The following PLSCR2 variants were observed in gnomAD, a reference collection of about 807,000 sequenced individuals.
The protein encoded by PLSCR2 is phospholipid scramblase 2.
A neutral mutation model predicts 25.3 loss-of-function variants in PLSCR2; 18 were observed. That is an observed-to-expected ratio of 0.71 (90% CI 0.49 to 1.06). PLSCR2 has a LOEUF of 1.06. Among genes scored for constraint, PLSCR2 ranks in the 50% least tolerant of loss-of-function variants. PLSCR2 has a pLI of 0.00. For missense variants in PLSCR2, 243 were observed against 269.5 expected (o/e 0.90, Z 0.69); for synonymous variants, 88 against 87.3 (o/e 1.01, Z -0.04).
At chr3:146,457,973 G>A (rs1018778960) in intron 3 of PLSCR2, among the ~76,000 whole-genome samples, 8 of 152,092 alleles carry the variant, frequency 5.3e-5, no homozygotes, top group South Asian at 4.1e-4. Context: ...ATAAAATGGC[G>A]TGGTGTTTGT....
chr3:146,469,304 G>A, intron 1 of PLSCR2, 191 bp downstream of exon 1: 4 of 985,580 alleles, frequency 4.1e-6, no homozygotes, highest in Non-Finnish European at 4.8e-6. Context: ...TCTGGTGTGA[G>A]CCAGGGTACA....
intron 5 of PLSCR2, among the ~76,000 whole-genome samples, chr3:146,451,371 T>C (rs2108328275): frequency 6.6e-6 from 1 of 152,218 alleles, no homozygotes; most frequent in East Asian, 1.9e-4. Context: ...CGCCTCGGCC[T>C]CCCAAAGTGC....
intron 2 of PLSCR2, chr3:146,415,234 TA>T (rs1161878710): frequency 2.0e-5 from 3 of 152,608 alleles, no homozygotes; most frequent in Non-Finnish European, 4.4e-5. Flanking sequence ...ACATAACACA[TA>T]ACTTAATATT....
chr3:146,487,740 A>G (rs143791918), intron 1 of PLSCR2, among the ~76,000 whole-genome samples: 29 of 152,182 alleles, frequency 1.9e-4, no homozygotes, highest in African/African-American at 6.7e-4. Flanking sequence ...AAAATGGCCA[A>G]ACTGCCCAAA....
At chr3:146,459,136 T>A (rs11914425) in intron 2 of PLSCR2, among the ~76,000 whole-genome samples, 1 of 152,062 alleles carries the variant, frequency 6.6e-6, no homozygotes, top group African/African-American at 2.4e-5. Flanking sequence ...TAAACTATCA[T>A]GTAGTACAGC....
intron 2 of PLSCR2, among the ~76,000 whole-genome samples, chr3:146,398,057 G>A (rs1281172912): frequency 1.3e-5 from 2 of 151,924 alleles, no homozygotes; most frequent in African/African-American, 2.4e-5. Flanking sequence ...TGTTTTAGAT[G>A]AAAGTTAGGG....
At chr3:146,488,250 C>A (rs2043417754) in intron 1 of PLSCR2, among the ~76,000 whole-genome samples, 1 of 151,908 alleles carries the variant, frequency 6.6e-6, no homozygotes, top group African/African-American at 2.4e-5. Context: ...TAGGCAATGC[C>A]ATTTAGGACA....
intron 2 of PLSCR2, among the ~76,000 whole-genome samples, chr3:146,406,588 T>C (rs908123837): frequency 6.6e-6 from 1 of 152,050 alleles, no homozygotes; most frequent in African/African-American, 2.4e-5. Flanking sequence ...ACAAGTGAGG[T>C]AGATAAAAAG....
At chr3:146,407,502 G>A (rs888126015) in intron 2 of PLSCR2, among the ~76,000 whole-genome samples, 1 of 152,208 alleles carries the variant, frequency 6.6e-6, no homozygotes, top group Non-Finnish European at 1.5e-5. Flanking sequence ...CCTGGGCTGG[G>A]TTTAGGACCT....
intron 3 of PLSCR2, among the ~76,000 whole-genome samples, chr3:146,393,234 TAGTC>T (rs1291934716): frequency 6.6e-6 from 1 of 151,424 alleles, no homozygotes; most frequent in African/African-American, 2.4e-5. Context: ...TTCACCGTGT[TAGTC>T]AGGATGGTCT....
At chr3:146,412,585 C>T (rs184153443) in intron 2 of PLSCR2, among the ~76,000 whole-genome samples, 26 of 152,242 alleles carry the variant, frequency 1.7e-4, no homozygotes, top group Non-Finnish European at 2.9e-4. Flanking sequence ...AACAAATTTT[C>T]GGTGCCACAA....
intron 2 of PLSCR2, among the ~76,000 whole-genome samples, chr3:146,408,538 G>A (rs1453115961): frequency 6.6e-6 from 1 of 151,680 alleles, no homozygotes; most frequent in Non-Finnish European, 1.5e-5. Flanking sequence ...GAAAACTTTC[G>A]ATTGTCAGAA....
At chr3:146,475,206 G>T (rs746680305) in intron 1 of PLSCR2, among the ~76,000 whole-genome samples, 1 of 151,884 alleles carries the variant, frequency 6.6e-6, no homozygotes, top group Non-Finnish European at 1.5e-5. Flanking sequence ...CAATCATTTG[G>T]GGGGAGAAGA....
chr3:146,421,969 G>A (rs1003522422), intron 2 of PLSCR2, among the ~76,000 whole-genome samples: 7 of 152,010 alleles, frequency 4.6e-5, no homozygotes, highest in Non-Finnish European at 8.8e-5. Context: ...TATTTGCCTG[G>A]CCCCAGCAGG....
intron 2 of PLSCR2, among the ~76,000 whole-genome samples, chr3:146,425,342 G>A (rs954079795): frequency 6.6e-6 from 1 of 152,080 alleles, no homozygotes; most frequent in African/African-American, 2.4e-5. Context: ...GGAAGAAGAT[G>A]CCCAAAAGAA....
At chr3:146,439,151 G>A (rs4333063), downstream of PLSCR2, among the ~76,000 whole-genome samples, 73,001 of 151,822 alleles carry the variant, frequency 0.48, 18,519 homozygotes, top group South Asian at 0.7. Context: ...TCTGCTGTTA[G>A]TCTGATGGGC....
intron 1 of PLSCR2, among the ~76,000 whole-genome samples, chr3:146,478,671 C>G (rs2043018271): frequency 2.0e-5 from 3 of 152,200 alleles, no homozygotes; most frequent in Admixed American, 2.0e-4. Flanking sequence ...AAACACTCTT[C>G]AGGATATTAT....
intron 2 of PLSCR2, among the ~76,000 whole-genome samples, chr3:146,396,552 T>C (rs1315176266): frequency 6.6e-6 from 1 of 152,018 alleles, no homozygotes; most frequent in Non-Finnish European, 1.5e-5. Flanking sequence ...GGTTTTAGAG[T>C]AAGTGCTTGG....
At chr3:146,431,492 T>C (rs4282029), downstream of PLSCR2, among the ~76,000 whole-genome samples, 14,385 of 152,044 alleles carry the variant, frequency 0.095, 959 homozygotes, top group African/African-American at 0.18. Context: ...ACCCTACAGT[T>C]TCTGACTTCA....
Sources: allele counts gnomAD v4.1 joint callset (sites outside exome capture counted in the v4.1 genomes callset), GRCh38; gene constraint gnomAD v4.1.1; transcripts MANE v1.5; gene names NCBI Gene and HGNC (gene_info 2026-07-23, HGNC 2026-07-21).